The following RAB11FIP4 variants were observed in gnomAD, a reference collection of about 807,000 sequenced individuals.
RAB11FIP4 encodes rab11 family-interacting protein 4.
A neutral mutation model predicts 74.3 loss-of-function variants in RAB11FIP4; 23 were observed. The ratio of observed to expected loss-of-function variants is 0.31; its 90% confidence interval spans 0.22 to 0.44. The LOEUF (loss-of-function observed/expected upper bound fraction) is 0.44, where lower values mean the gene tolerates loss of function less well. RAB11FIP4 is among the 20% of genes least tolerant of loss of function. The pLI is 1.00. For missense variants in RAB11FIP4, 630 were observed against 863.9 expected (o/e 0.73, Z 3.39); for synonymous variants, 360 against 359.9 (o/e 1.00, Z 0.00).
intron 1 of RAB11FIP4, among the ~76,000 whole-genome samples, chr17:31,393,924 C>T (rs1427473644): frequency 2.0e-5 from 3 of 152,110 alleles, no homozygotes; most frequent in African/African-American, 7.2e-5. Flanking sequence ...CTATATTAGC[C>T]CCAAGACCTC....
chr17:31,447,285 CAAACA>C (rs993541267), intron 3 of RAB11FIP4, among the ~76,000 whole-genome samples: 2 of 151,972 alleles, frequency 1.3e-5, no homozygotes, highest in Admixed American at 1.3e-4. Flanking sequence ...GACTCCGTCT[CAAACA>C]AAACAAAACA....
At position 31,528,646 on chromosome 17, in the gene RAB11FIP4, G is replaced by A; in HGVS notation, c.1521G>A (p.Leu507=). 1 of 1,613,574 alleles carries A rather than the reference G, an allele frequency of 6.2e-7. No individual in the cohort carries two copies. The highest frequency in any genetic ancestry group is 8.5e-7 in the Non-Finnish European group (1 of 1,179,878). Residue 507 remains leucine (L), a synonymous_variant, in exon 13 of 15, where the codon CTG becomes CTA. Coordinates refer to ENST00000621161, the MANE Select transcript of RAB11FIP4 (RefSeq NM_032932.6). ...QELIEDLRKE[L]EHLQMYKLDC... is the part of the protein sequence containing the mutation. Reference sequence around the variant, plus strand: ...TCATCGAGGACTTGCGGAAGGAGCTGGAGCACCTGCAGATGTACAAGCTGG... The same window carrying A: ...TCATCGAGGACTTGCGGAAGGAGCTAGAGCACCTGCAGATGTACAAGCTGG...
intron 3 of RAB11FIP4, among the ~76,000 whole-genome samples, chr17:31,482,167 C>T (rs2071856495): frequency 6.6e-6 from 1 of 152,142 alleles, no homozygotes; most frequent in Non-Finnish European, 1.5e-5. Flanking sequence ...TGCATCTTCA[C>T]TGGGTTTGGT....
intron 1 of RAB11FIP4, among the ~76,000 whole-genome samples, chr17:31,393,512 G>T (rs1358511631): frequency 6.6e-6 from 1 of 152,214 alleles, no homozygotes; most frequent in African/African-American, 2.4e-5. Context: ...ACCGGCCTCA[G>T]CCACGTGCCC....
chr17:31,417,741 T>G (rs917280433), intron 1 of RAB11FIP4, among the ~76,000 whole-genome samples: 1 of 152,224 alleles, frequency 6.6e-6, no homozygotes, highest in Non-Finnish European at 1.5e-5. Context: ...TGTGCTTGAA[T>G]TCAGCTGTCG....
chr17:31,487,545 T>C (rs755573582), intron 3 of RAB11FIP4, among the ~76,000 whole-genome samples: 1 of 152,032 alleles, frequency 6.6e-6, no homozygotes, highest in African/African-American at 2.4e-5. Context: ...CGACTTCACA[T>C]GAAAAGGCTG....
At chr17:31,527,587 C>CTT (rs1305928419) in intron 10 of RAB11FIP4, 2 of 452,838 alleles carry the variant, frequency 4.4e-6, no homozygotes, top group Non-Finnish European at 7.9e-6. Context: ...GAGCAGGACT[C>CTT]TGTCTCAAAA....
rs532449942 is a variant in RAB11FIP4 at position 31,531,751 on chromosome 17, G to C, written c.*19G>C. The C allele has an allele frequency of 4.5e-6, 7 of 1,545,410 alleles. No homozygotes were observed. The highest frequency in any genetic ancestry group is 1.1e-5 in the South Asian group (1 of 89,728). On this transcript the variant is annotated 3_prime_UTR_variant, in exon 15 of 15. Coordinates refer to ENST00000621161, the MANE Select transcript of RAB11FIP4 (RefSeq NM_032932.6). ...ACACTAAGGCACGGGGCTGGCTGCA[G>C]AGCAGCCTTAGGACCCTGGGACCAA...
intron 3 of RAB11FIP4, among the ~76,000 whole-genome samples, chr17:31,441,494 G>A (rs570033918): frequency 1.5e-4 from 23 of 151,680 alleles, no homozygotes; most frequent in Admixed American, 1.1e-3. Flanking sequence ...ATCTTGTCAT[G>A]ATAACCCTAT....
chr17:31,393,163 GC>G (rs2070893127), intron 1 of RAB11FIP4, among the ~76,000 whole-genome samples: 1 of 152,264 alleles, frequency 6.6e-6, no homozygotes, highest in Non-Finnish European at 1.5e-5. Context: ...GAGTGAGGCA[GC>G]TTCAGGGCTT....
intron 1 of RAB11FIP4, among the ~76,000 whole-genome samples, chr17:31,422,917 C>CTTT (rs35668224): frequency 9.5e-5 from 12 of 126,416 alleles, no homozygotes; most frequent in East Asian, 2.2e-4. Context: ...TATTGATTGC[C>CTTT]TTTTTTTTTT....
intron 1 of RAB11FIP4, among the ~76,000 whole-genome samples, chr17:31,414,988 G>A (rs764187827): frequency 4.6e-5 from 7 of 152,212 alleles, no homozygotes; most frequent in African/African-American, 9.6e-5. Context: ...GCTTCCCAGC[G>A]TTGACCCAAG....
rs749890166 is a variant in RAB11FIP4, at chr17:31,517,748, C to T, written c.434C>T (p.Ala145Val). The stretch of plus-strand genomic sequence containing the variant: ...GACGAGGAGGAGGCTATGACGCTGG[C>T]GCCACCTGAGGGCCCCCAGGAGTTG... The part of the protein sequence containing the change: ...PEDEEEAMTL[A>V]PPEGPQELYT... The change falls in exon 4 of 15, where the codon GCG becomes GTG. Residue 145 changes from alanine to valine, a missense_variant. Physicochemically the swap from Ala to Val is moderately conservative, Grantham distance 64. Coordinates refer to ENST00000621161, the MANE Select transcript of RAB11FIP4 (RefSeq NM_032932.6). The T allele has an allele frequency of 2.1e-5, 34 of 1,585,710 alleles. No homozygotes were observed. The highest frequency in any genetic ancestry group is 5.4e-5 in the African/African-American group (4 of 74,606).
chr17:31,467,097 T>G (rs1597933999), intron 3 of RAB11FIP4, among the ~76,000 whole-genome samples: 1 of 134,160 alleles, frequency 7.5e-6, no homozygotes, highest in East Asian at 2.2e-4. Context: ...TCCTGAGTAT[T>G]TCTTTCTTTT....
chr17:31,523,382 C>A, intron 7 of RAB11FIP4, 130 bp from the exon 8 acceptor site: 1 of 743,654 alleles, frequency 1.3e-6, no homozygotes, highest in Non-Finnish European at 2.4e-6. Context: ...TCCTCTCAGG[C>A]TGAGTGAGGG....
At chr17:31,434,200 A>G (rs1259142697) in intron 3 of RAB11FIP4, 78 bp downstream of exon 3, 3 of 1,227,536 alleles carry the variant, frequency 2.4e-6, no homozygotes, top group Non-Finnish European at 3.5e-6. Flanking sequence ...CATTTTCAGT[A>G]TCTGGGAGGA....
At chr17:31,465,179 C>T (rs904338371) in intron 3 of RAB11FIP4, among the ~76,000 whole-genome samples, 3 of 152,044 alleles carry the variant, frequency 2.0e-5, no homozygotes, top group African/African-American at 7.2e-5. Context: ...TATGTTGAGG[C>T]CAGACTAGAA....
intron 3 of RAB11FIP4, among the ~76,000 whole-genome samples, chr17:31,447,146 T>C (rs1044163512): frequency 3.3e-5 from 5 of 152,118 alleles, no homozygotes; most frequent in South Asian, 4.2e-4. Flanking sequence ...TAGCCGGGCG[T>C]GGTGGTGGGC....
chr17:31,429,451 C>G (rs1374869381), intron 1 of RAB11FIP4, among the ~76,000 whole-genome samples: 1 of 152,212 alleles, frequency 6.6e-6, no homozygotes, highest in Non-Finnish European at 1.5e-5. Flanking sequence ...GCTCACCAGT[C>G]AGAAAGGCTT....
Sources: allele counts gnomAD v4.1 joint callset (sites outside exome capture counted in the v4.1 genomes callset), GRCh38; gene constraint gnomAD v4.1.1; transcripts MANE v1.5; gene names NCBI Gene and HGNC (gene_info 2026-07-23, HGNC 2026-07-21).